GRIP1: variants seen among roughly 807,000 people sequenced by gnomAD.
GRIP1 encodes the protein glutamate receptor interacting protein 1.
Under a neutral mutation model 129.9 loss-of-function variants are expected in GRIP1, and 45 were observed. That is an observed-to-expected ratio of 0.35 (90% CI 0.27 to 0.44). GRIP1 has a LOEUF of 0.44. Among genes scored for constraint, GRIP1 ranks in the 20% least tolerant of loss-of-function variants. The pLI is 1.00. For missense variants in GRIP1, 1,196 were observed against 1,396.8 expected, an observed-to-expected ratio of 0.86 and a Z score of 2.29; for synonymous variants, 530 against 520.8, an observed-to-expected ratio of 1.02 and a Z score of -0.24.
chr12:66,844,724 C>A (rs2039782812), intron 1 of GRIP1, among the ~76,000 whole-genome samples: 1 of 152,172 alleles, frequency 6.6e-6, no homozygotes, highest in Admixed American at 6.5e-5. Flanking sequence ...AATGGATGAA[C>A]TGCCAAATAA....
chr12:66,452,235 C>T (rs557116428), intron 11 of GRIP1, among the ~76,000 whole-genome samples: 1 of 152,276 alleles, frequency 6.6e-6, no homozygotes, highest in African/African-American at 2.4e-5. Context: ...GAGACTTGGC[C>T]TCTTTGGCAG....
chr12:67,044,024 C>A (rs990653315), intron 1 of GRIP1, among the ~76,000 whole-genome samples: 1 of 151,994 alleles, frequency 6.6e-6, no homozygotes. Flanking sequence ...CCTGAGAGAA[C>A]CTTTTATAAT....
At chr12:66,444,876 T>C in intron 12 of GRIP1, 147 bp from the exon 13 acceptor site, 1 of 777,178 alleles carries the variant, frequency 1.3e-6, no homozygotes, top group Non-Finnish European at 2.2e-6. Context: ...ATAGGTCAAA[T>C]TCAACGTCGT....
At chr12:66,989,195 T>A (rs986847172) in intron 1 of GRIP1, among the ~76,000 whole-genome samples, 3 of 152,202 alleles carry the variant, frequency 2.0e-5, no homozygotes, top group Non-Finnish European at 2.9e-5. Context: ...GTTCTAACAT[T>A]TCCAGATTTC....
intron 1 of GRIP1, among the ~76,000 whole-genome samples, chr12:67,006,904 A>C (rs1431953517): frequency 6.6e-6 from 1 of 152,258 alleles, no homozygotes; most frequent in Non-Finnish European, 1.5e-5. Context: ...TTCAGAGCTT[A>C]AGTAGAGTTT....
At chr12:66,947,414 A>C (rs1261121234) in intron 1 of GRIP1, among the ~76,000 whole-genome samples, 1 of 152,212 alleles carries the variant, frequency 6.6e-6, no homozygotes, top group Non-Finnish European at 1.5e-5. Flanking sequence ...TATTTAGAAG[A>C]TGATGCTCAT....
chr12:66,693,462 C>T (rs1302625856), intron 1 of GRIP1, among the ~76,000 whole-genome samples: 1 of 152,142 alleles, frequency 6.6e-6, no homozygotes, highest in African/African-American at 2.4e-5. Flanking sequence ...CCAGTCCCCA[C>T]TAGGGTTCCT....
At chr12:66,599,699 G>A (rs1171002603) in intron 1 of GRIP1, among the ~76,000 whole-genome samples, 1 of 152,118 alleles carries the variant, frequency 6.6e-6, no homozygotes. Context: ...GTAAAGTCAT[G>A]GAGAACTATG....
chr12:66,449,493 G>C (rs1275367614), intron 11 of GRIP1, among the ~76,000 whole-genome samples: 4 of 152,146 alleles, frequency 2.6e-5, no homozygotes, highest in African/African-American at 9.7e-5. Flanking sequence ...TTCCATCTCA[G>C]CTGGATTAAG....
chr12:66,502,866 T>C (rs1428422012), intron 7 of GRIP1, among the ~76,000 whole-genome samples: 2 of 151,640 alleles, frequency 1.3e-5, no homozygotes, highest in African/African-American at 4.9e-5. Flanking sequence ...TGGCCTAACA[T>C]AATCTACACT....
At chr12:66,393,169 ATTTTTTTTT>A (rs60982107) in intron 17 of GRIP1, among the ~76,000 whole-genome samples, 28 of 78,844 alleles carry the variant, frequency 3.6e-4, no homozygotes, top group East Asian at 4.4e-4. Context: ...CTTTCTACAG[ATTTTTTTTT>A]TTTTTTTTTT....
At chr12:66,505,044 C>T (rs2060491525) in intron 7 of GRIP1, among the ~76,000 whole-genome samples, 1 of 152,090 alleles carries the variant, frequency 6.6e-6, no homozygotes, top group African/African-American at 2.4e-5. Context: ...GATTCCATGC[C>T]CTAAGCCACA....
At chr12:66,655,633 A>G (rs2136166749) in intron 1 of GRIP1, among the ~76,000 whole-genome samples, 1 of 135,354 alleles carries the variant, frequency 7.4e-6, no homozygotes, top group South Asian at 2.3e-4. Context: ...TTTTTGAGAC[A>G]GAGTCTCGCT....
chr12:66,400,857 T>C lies in GRIP1; in HGVS notation c.1984+5426A>G, dbSNP rs1267173080. 3.9e-5 allele frequency among the ~76,000 whole-genome samples: 6 copies of C among 152,382 alleles called. No individual in the cohort carries two copies. The East Asian group carries it at 1.2e-3, about 29-fold the overall frequency. ...GTCTCTACTGCTTTGCTTCAGGGTT[T>C]CCTCTCAGGCCCTAGCCAGGTCTTC... On this transcript the variant is annotated intron_variant, in intron 16 of 24. Coordinates refer to ENST00000359742, the MANE Select transcript of GRIP1 (RefSeq NM_001366722.1).
chr12:66,571,601 C>T (rs1320813294), intron 2 of GRIP1, among the ~76,000 whole-genome samples: 2 of 152,050 alleles, frequency 1.3e-5, no homozygotes, highest in South Asian at 2.1e-4. Context: ...AAGCACAATG[C>T]CCTATTGATG....
At chr12:66,752,040 T>TGAG (rs1226310233) in intron 1 of GRIP1, among the ~76,000 whole-genome samples, 6 of 152,194 alleles carry the variant, frequency 3.9e-5, no homozygotes, top group African/African-American at 1.4e-4. Context: ...TACTAGATTA[T>TGAG]CATTCTCACT....
Position 66,347,635 on chromosome 12 carries a change from T to C in GRIP1, c.*1384A>G, listed in dbSNP as rs2054027704. 1 of 152,216 alleles carries C rather than the reference T, an allele frequency of 6.6e-6. No homozygotes were observed. The highest frequency in any genetic ancestry group is 6.5e-5 in the Admixed American group (1 of 15,282). The allele number at this position is 152,216 out of a possible 1,614,324, so 9.4% of individuals were successfully genotyped here. ...CTTGTTTGTTACAAATAAAAATACATATTTAAGTGACTCATGATCTTTTTT... is the reference window on the plus strand; with the variant it reads ...CTTGTTTGTTACAAATAAAAATACACATTTAAGTGACTCATGATCTTTTTT... On this transcript the variant is annotated 3_prime_UTR_variant, in exon 25 of 25. Transcript: ENST00000359742.
chr12:67,029,880 T>C (rs559586787), intron 1 of GRIP1, among the ~76,000 whole-genome samples: 3 of 151,844 alleles, frequency 2.0e-5, no homozygotes, highest in Admixed American at 1.3e-4. Context: ...GATGTTTTTA[T>C]CTACTAATGT....
intron 2 of GRIP1, among the ~76,000 whole-genome samples, chr12:66,566,709 T>C (rs1044069818): frequency 9.2e-5 from 14 of 152,230 alleles, no homozygotes; most frequent in Non-Finnish European, 1.0e-4. Context: ...TACCAGCTGT[T>C]GTTTGTATCC....
Sources: allele counts gnomAD v4.1 joint callset (sites outside exome capture counted in the v4.1 genomes callset), GRCh38; gene constraint gnomAD v4.1.1; transcripts MANE v1.5; gene names NCBI Gene and HGNC (gene_info 2026-07-23, HGNC 2026-07-21).